Variants in TMEM14A observed in about 807,000 individuals in gnomAD.
The protein encoded by TMEM14A is transmembrane protein 14A.
TMEM14A carries 8 observed loss-of-function variants against 11.6 expected under a neutral mutation model. The observed-to-expected ratio is 0.69, with a 90% CI of 0.40 to 1.24. The LOEUF (loss-of-function observed/expected upper bound fraction) is 1.24. Among genes scored for constraint, TMEM14A ranks in the 50% most tolerant of loss-of-function variants. The pLI, the probability that TMEM14A is intolerant of heterozygous loss-of-function variation, is 0.01. For missense variants in TMEM14A, 108 were observed against 121.9 expected (o/e 0.89, Z 0.54); for synonymous variants, 34 against 45.5 (o/e 0.75, Z 1.02).
In TMEM14A at chr6:52,686,118, A is replaced by T; in HGVS notation, c.*69A>T. 1 of 1,440,448 alleles carries T rather than the reference A, an allele frequency of 6.9e-7. No individual in the cohort carries two copies. The highest frequency in any genetic ancestry group is 9.4e-7 in the Non-Finnish European group (1 of 1,060,726). 89.2% of individuals were successfully genotyped at this position (1,440,448 alleles called of 1,614,324 possible). ...AATGGGCAGAGCATATTTTTTTTGT[A>T]TTTAAAAGATAAACTTCAATATGGA... On this transcript the variant is annotated 3_prime_UTR_variant, in exon 5 of 5. Coordinates refer to ENST00000211314, the MANE Select transcript of TMEM14A (RefSeq NM_014051.4).
At chr6:52,674,550 A>G (rs1337912953) in intron 1 of TMEM14A, among the ~76,000 whole-genome samples, 1 of 152,206 alleles carries the variant, frequency 6.6e-6, no homozygotes, top group African/African-American at 2.4e-5. Context: ...ATGAGTTGAT[A>G]CACATAAGGC....
chr6:52,680,702 T>TAC (rs1483349313), intron 2 of TMEM14A, among the ~76,000 whole-genome samples: 1 of 37,042 alleles, frequency 2.7e-5, no homozygotes, highest in African/African-American at 6.4e-5. Flanking sequence ...TATATATATA[T>TAC]ATACACATAT....
At chr6:52,673,248 C>T (rs1488500565) in intron 1 of TMEM14A, among the ~76,000 whole-genome samples, 1 of 152,174 alleles carries the variant, frequency 6.6e-6, no homozygotes, top group Non-Finnish European at 1.5e-5. Context: ...CCCAGGCCTG[C>T]CCAACCCAGA....
At chr6:52,681,738 A>T in intron 2 of TMEM14A, 75 bp from the exon 3 acceptor site, 6 of 1,311,808 alleles carry the variant, frequency 4.6e-6, no homozygotes, top group Admixed American at 1.7e-5. Flanking sequence ...TGCCTGTATC[A>T]TACTAGAAGT....
At chr6:52,675,285 G>A (rs1166821645) in intron 1 of TMEM14A, among the ~76,000 whole-genome samples, 1 of 152,164 alleles carries the variant, frequency 6.6e-6, no homozygotes, top group Non-Finnish European at 1.5e-5. Context: ...AATATGCAAG[G>A]AATCTCACTT....
At chr6:52,682,644 A>C (rs1408957497) in intron 3 of TMEM14A, among the ~76,000 whole-genome samples, 1 of 150,214 alleles carries the variant, frequency 6.7e-6, no homozygotes, top group Non-Finnish European at 1.5e-5. Flanking sequence ...GGATATTTTT[A>C]GTAATGAGGT....
chr6:52,680,704 T>TATATATATATACATACCCAC (rs371102796), intron 2 of TMEM14A, among the ~76,000 whole-genome samples: 1 of 51,102 alleles, frequency 2.0e-5, no homozygotes. Flanking sequence ...TATATATATA[T>TATATATATATACATACCCAC]ACACATATAT....
At chr6:52,675,558 A>G (rs1471827695) in intron 1 of TMEM14A, among the ~76,000 whole-genome samples, 3 of 152,236 alleles carry the variant, frequency 2.0e-5, no homozygotes, top group East Asian at 3.9e-4. Flanking sequence ...GCAGGGTTTC[A>G]GTGGAACTTC....
At position 52,677,074 on chromosome 6, in the gene TMEM14A, C is replaced by T. The variant is rs1353353354; in HGVS notation, c.-16-13C>T. 6.2e-7 allele frequency: 1 copy of T among 1,612,818 alleles called. No individual in the cohort carries two copies. Among genetic ancestry groups the T allele is most frequent in the African/African-American group, 1.3e-5 (1 of 74,876 alleles). ...TTTATTTTGTATAATTTGTCCTTTC[C>T]CCCTTGCTTTAGAATTGCAACCTTG... is the stretch of plus-strand genomic sequence containing the variant. On this transcript the variant is annotated splice_polypyrimidine_tract_variant and intron_variant, in intron 1 of 4. Coordinates refer to ENST00000211314, the MANE Select transcript of TMEM14A (RefSeq NM_014051.4).
intron 2 of TMEM14A, among the ~76,000 whole-genome samples, chr6:52,680,379 A>G (rs1319146289): frequency 6.6e-6 from 1 of 151,660 alleles, no homozygotes; most frequent in Non-Finnish European, 1.5e-5. Context: ...GAGAACTGAA[A>G]GAAGGCCAGG....
At chr6:52,683,938 T>C (rs1769443289) in intron 3 of TMEM14A, 140 bp from the exon 4 acceptor site, 1 of 790,930 alleles carries the variant, frequency 1.3e-6, no homozygotes, top group African/African-American at 1.8e-5. Context: ...TAGAGCACTT[T>C]ATCTTTTCAA....
At chr6:52,681,158 T>A (rs1769384970) in intron 2 of TMEM14A, among the ~76,000 whole-genome samples, 1 of 151,828 alleles carries the variant, frequency 6.6e-6, no homozygotes, top group South Asian at 2.1e-4. Context: ...AAGTGCTTGG[T>A]GTTTGCCACA....
At chr6:52,676,821 A>C (rs1281922668) in intron 1 of TMEM14A, among the ~76,000 whole-genome samples, 1 of 152,078 alleles carries the variant, frequency 6.6e-6, no homozygotes, top group East Asian at 1.9e-4. Context: ...TGAAGGGGGA[A>C]GTGCTACACG....
At position 52,686,102 on chromosome 6, in the gene TMEM14A, A is replaced by C; in HGVS notation, c.*53A>C. ...CATGTCATCCTGCTGTAATGGGCAG[A>C]GCATATTTTTTTTGTATTTAAAAGA... is the stretch of plus-strand genomic sequence containing the variant. On this transcript the variant is annotated 3_prime_UTR_variant, in exon 5 of 5. Coordinates refer to ENST00000211314, the MANE Select transcript of TMEM14A (RefSeq NM_014051.4). 6.6e-7 allele frequency: 1 copy of C among 1,522,612 alleles called. No individual in the cohort carries two copies. The highest frequency in any genetic ancestry group is 8.9e-7 in the Non-Finnish European group (1 of 1,129,344). The allele number at this position is 1,522,612 out of a possible 1,614,324, so 94.3% of individuals were successfully genotyped here.
chr6:52,683,935 C>G (rs1467695285), intron 3 of TMEM14A, 143 bp from the exon 4 acceptor site: 1 of 779,368 alleles, frequency 1.3e-6, no homozygotes, highest in Non-Finnish European at 2.0e-6. Flanking sequence ...TAATAGAGCA[C>G]TTTATCTTTT....
intron 2 of TMEM14A, among the ~76,000 whole-genome samples, chr6:52,678,309 G>A (rs958165471): frequency 2.9e-5 from 4 of 137,358 alleles, no homozygotes; most frequent in Non-Finnish European, 6.3e-5. Context: ...GAGATATAGA[G>A]AGTGTGTGTA....
intron 1 of TMEM14A, among the ~76,000 whole-genome samples, chr6:52,676,848 T>C (rs1033239822): frequency 6.6e-6 from 1 of 152,028 alleles, no homozygotes; most frequent in African/African-American, 2.4e-5. Flanking sequence ...AACATCCAGA[T>C]CTTGTGAGAA....
chr6:52,673,679 C>T (rs1344742170), intron 1 of TMEM14A, among the ~76,000 whole-genome samples: 1 of 152,194 alleles, frequency 6.6e-6, no homozygotes, highest in Middle Eastern at 3.2e-3. Context: ...GGCTCATTCA[C>T]ACATCTGCCT....
In TMEM14A at chr6:52,686,092, T is replaced by C. The variant is rs1273398154; in HGVS notation, c.*43T>C. 3.2e-6 allele frequency: 5 copies of C among 1,577,080 alleles called. No individual in the cohort carries two copies. The highest frequency in any genetic ancestry group is 4.3e-6 in the Non-Finnish European group (5 of 1,159,766). On this transcript the variant is annotated 3_prime_UTR_variant, in exon 5 of 5. Coordinates refer to ENST00000211314, the MANE Select transcript of TMEM14A (RefSeq NM_014051.4). The stretch of plus-strand genomic sequence containing the variant: ...AAACTAAGTTCATGTCATCCTGCTG[T>C]AATGGGCAGAGCATATTTTTTTTGT...
Sources: allele counts gnomAD v4.1 joint callset (sites outside exome capture counted in the v4.1 genomes callset), GRCh38; gene constraint gnomAD v4.1.1; transcripts MANE v1.5; gene names NCBI Gene and HGNC (gene_info 2026-07-23, HGNC 2026-07-21).